ITSN1: variants seen among roughly 807,000 people sequenced by gnomAD.
ITSN1 encodes the protein intersectin-1.
A neutral mutation model predicts 239.8 loss-of-function variants in ITSN1; 58 were observed. The ratio of observed to expected loss-of-function variants is 0.24; its 90% CI spans 0.20 to 0.30. The LOEUF is 0.30. Ranked by LOEUF, ITSN1 falls within the 10% of genes least tolerant of loss-of-function variation. The pLI, the probability that ITSN1 is intolerant of heterozygous loss-of-function variation, is 1.00. For missense variants in ITSN1, 1,558 were observed against 2,103.3 expected (o/e 0.74, Z 5.07); for synonymous variants, 780 against 770.8 (o/e 1.01, Z -0.20).
At chr21:33,657,667 G>A (rs536637739) in intron 1 of ITSN1, among the ~76,000 whole-genome samples, 1 of 152,280 alleles carries the variant, frequency 6.6e-6, no homozygotes, top group African/African-American at 2.4e-5. Flanking sequence ...GGAGGGATTA[G>A]GGGTGTTGGT....
chr21:33,771,551 T>TG (rs1169506136), intron 11 of ITSN1, among the ~76,000 whole-genome samples: 2 of 152,182 alleles, frequency 1.3e-5, no homozygotes, highest in African/African-American at 4.8e-5. Context: ...AACTGAATAA[T>TG]GGGTTAGAAA....
chr21:33,654,489 G>A (rs190199993), intron 1 of ITSN1, among the ~76,000 whole-genome samples: 114 of 152,250 alleles, frequency 7.5e-4, no homozygotes, highest in African/African-American at 2.6e-3. Context: ...GAGACTGTGT[G>A]ATGAGAACCT....
chr21:33,781,949 G>A (rs1355982359), intron 15 of ITSN1, 45 bp from the exon 16 acceptor site: 1 of 1,532,386 alleles, frequency 6.5e-7, no homozygotes, highest in Non-Finnish European at 8.8e-7. Context: ...TTTCCTCACT[G>A]CAAATTAAAG....
At chr21:33,745,757 A>G (rs2067141057) in intron 5 of ITSN1, among the ~76,000 whole-genome samples, 1 of 152,058 alleles carries the variant, frequency 6.6e-6, no homozygotes, top group African/African-American at 2.4e-5. Flanking sequence ...ATGACCAGCC[A>G]CTCTATTATC....
intron 31 of ITSN1, among the ~76,000 whole-genome samples, chr21:33,859,476 TC>T (rs1327874202): frequency 6.6e-6 from 1 of 152,044 alleles, no homozygotes; most frequent in Non-Finnish European, 1.5e-5. Context: ...AAAATCTGTA[TC>T]CACCACGCTC....
Position 33,669,218 on chromosome 21 carries a change from G to T in ITSN1, c.-33+26505G>T, listed in dbSNP as rs142317310. Among the ~76,000 whole-genome samples the T allele has an allele frequency of 8.9e-3, 1,346 of 150,820 alleles. 8 individuals are homozygous for T. The highest frequency in any genetic ancestry group is 0.016 in the South Asian group (74 of 4,748). On this transcript the variant is annotated intron_variant, in intron 1 of 39. Coordinates refer to ENST00000381318, the MANE Select transcript of ITSN1 (RefSeq NM_003024.3). ...CTGTCTCAGCCACCTGAGTAGCTGG[G>T]ATTACAGGTGTGCGCCACTATGCCT... is the stretch of plus-strand genomic sequence containing the variant.
At chr21:33,826,175 AAT>A (rs1360838080) in intron 25 of ITSN1, among the ~76,000 whole-genome samples, 3 of 152,198 alleles carry the variant, frequency 2.0e-5, no homozygotes, top group African/African-American at 7.2e-5. Flanking sequence ...GTTGGGAAGA[AAT>A]ATGCTCTGCC....
At chr21:33,804,868 C>G (rs1350631162) in intron 20 of ITSN1, among the ~76,000 whole-genome samples, 4 of 151,628 alleles carry the variant, frequency 2.6e-5, no homozygotes, top group Non-Finnish European at 4.4e-5. Flanking sequence ...AAAAAGCTTG[C>G]AAAAAAAACT....
intron 27 of ITSN1, among the ~76,000 whole-genome samples, chr21:33,833,634 G>A (rs752241727): frequency 6.6e-6 from 1 of 152,212 alleles, no homozygotes; most frequent in Non-Finnish European, 1.5e-5. Flanking sequence ...TTGGGAGGCC[G>A]AGGGGTGCAG....
At chr21:33,811,503 G>C (rs1383747493) in intron 21 of ITSN1, among the ~76,000 whole-genome samples, 2 of 152,196 alleles carry the variant, frequency 1.3e-5, no homozygotes, top group African/African-American at 4.8e-5. Flanking sequence ...TGTGGAAGAA[G>C]TGGAGAAATA....
At chr21:33,802,309 G>T in intron 19 of ITSN1, 121 bp from the exon 20 acceptor site, 1 of 925,520 alleles carries the variant, frequency 1.1e-6, no homozygotes, top group Non-Finnish European at 1.7e-6. Flanking sequence ...CCTTTTCCTC[G>T]AATTGGCTAG....
At chr21:33,744,360 A>G (rs2067053653) in intron 5 of ITSN1, among the ~76,000 whole-genome samples, 1 of 152,222 alleles carries the variant, frequency 6.6e-6, no homozygotes, top group Admixed American at 6.5e-5. Context: ...TATCAAATGT[A>G]ATGAAAAAGC....
At chr21:33,887,028 A>G (rs1385593951) in intron 39 of ITSN1, among the ~76,000 whole-genome samples, 1 of 152,072 alleles carries the variant, frequency 6.6e-6, no homozygotes, top group East Asian at 1.9e-4. Context: ...CAACCCAATA[A>G]AAATCACCGG....
At chr21:33,643,133 C>T (rs921770581) in intron 1 of ITSN1, among the ~76,000 whole-genome samples, 1 of 151,488 alleles carries the variant, frequency 6.6e-6, no homozygotes, top group Admixed American at 6.6e-5. Flanking sequence ...CCTCGCCTCC[C>T]GCCGGCCTCC....
chr21:33,669,783 AT>A lies in ITSN1; in HGVS notation c.-33+27082del, dbSNP rs879715625. ...ATGTTTGTGGGTAGAAAACGTCTTA[AT>A]TTTTTTTTTTTAATCTCAGAAAATG... On this transcript the variant is annotated intron_variant, in intron 1 of 39. Transcript: ENST00000381318. 1.9e-3 allele frequency among the ~76,000 whole-genome samples: 285 copies of A among 147,038 alleles called. 1 individual carries two copies. The highest frequency in any genetic ancestry group is 7.0e-3 in the Middle Eastern group (2 of 286).
chr21:33,788,037 G>T (rs892949295), intron 16 of ITSN1, among the ~76,000 whole-genome samples: 2 of 152,078 alleles, frequency 1.3e-5, no homozygotes, highest in African/African-American at 4.8e-5. Context: ...AGATAATTTG[G>T]GAAAGGGTTA....
chr21:33,817,270 A>G (rs1256740652), intron 22 of ITSN1: 25 of 1,304,204 alleles, frequency 1.9e-5, no homozygotes, highest in Admixed American at 1.4e-4. Flanking sequence ...ACTAGGCCAC[A>G]TGCAGCCCCG....
chr21:33,756,287 C>CAAA (rs923721086), intron 8 of ITSN1, among the ~76,000 whole-genome samples: 131 of 56,690 alleles, frequency 2.3e-3, no homozygotes, highest in African/African-American at 7.6e-3. Flanking sequence ...GACTCCGTCT[C>CAAA]AAAAAAAAAA....
chr21:33,772,164 C>T lies in ITSN1; in HGVS notation c.1146C>T (p.Arg382=). ...LLEQQRKEQE[R]LAQLERAEQE... Reference sequence around the variant, plus strand: ...AACAGCAGCGCAAGGAGCAGGAGCGCCTGGCCCAGCTGGAGCGGGCGGAGC... The same window carrying T: ...AACAGCAGCGCAAGGAGCAGGAGCGTCTGGCCCAGCTGGAGCGGGCGGAGC... The change falls in exon 12 of 40, where the codon CGC becomes CGT. Residue 382 remains arginine, a synonymous_variant. Transcript: ENST00000381318. 16 of 1,614,158 alleles carry T rather than the reference C, an allele frequency of 9.9e-6. No individual in the cohort carries two copies. The highest frequency in any genetic ancestry group is 1.1e-5 in the Non-Finnish European group (13 of 1,180,040).
Sources: allele counts gnomAD v4.1 joint callset (sites outside exome capture counted in the v4.1 genomes callset), GRCh38; gene constraint gnomAD v4.1.1; transcripts MANE v1.5; gene names NCBI Gene and HGNC (gene_info 2026-07-23, HGNC 2026-07-21).